Variants in ACOXL observed in about 807,000 individuals in gnomAD.
ACOXL encodes the protein acyl-coenzyme A oxidase-like protein.
A neutral mutation model predicts 71.9 loss-of-function variants in ACOXL; 70 were observed. That is an observed-to-expected ratio of 0.97 (90% CI 0.80 to 1.19). The LOEUF is 1.19. ACOXL is among the 50% of genes most tolerant of loss of function. The pLI is 0.00. For synonymous variants in ACOXL, 253 were observed against 281.6 expected, an observed-to-expected ratio of 0.90 and a Z score of 1.02; for missense variants, 703 against 736.3, an observed-to-expected ratio of 0.95 and a Z score of 0.52.
intron 12 of ACOXL, among the ~76,000 whole-genome samples, chr2:110,958,049 C>CAAAA (rs35899146): frequency 1.0e-5 from 1 of 96,140 alleles, no homozygotes; most frequent in Non-Finnish European, 2.0e-5. Context: ...GACTCCGTCT[C>CAAAA]AAAAAAAAAA....
intron 12 of ACOXL, among the ~76,000 whole-genome samples, chr2:110,938,800 T>G (rs1372859712): frequency 6.6e-6 from 1 of 152,218 alleles, no homozygotes; most frequent in Non-Finnish European, 1.5e-5. Flanking sequence ...CTTGGCCCCC[T>G]TGATCTTTTC....
At chr2:110,891,769 A>G (rs1206246438) in intron 10 of ACOXL, among the ~76,000 whole-genome samples, 1 of 152,086 alleles carries the variant, frequency 6.6e-6, no homozygotes, top group Non-Finnish European at 1.5e-5. Context: ...TAGGCATGAA[A>G]TTGGGTTTTG....
At chr2:111,110,055 CT>C (rs1476395893) in intron 17 of ACOXL, among the ~76,000 whole-genome samples, 2 of 152,164 alleles carry the variant, frequency 1.3e-5, no homozygotes, top group East Asian at 3.8e-4. Flanking sequence ...AACTGGTCAT[CT>C]CTAAGTCGGC....
At chr2:110,939,850 A>G (rs2060802990) in intron 12 of ACOXL, among the ~76,000 whole-genome samples, 1 of 152,212 alleles carries the variant, frequency 6.6e-6, no homozygotes, top group Non-Finnish European at 1.5e-5. Flanking sequence ...GCCCAAGACA[A>G]TTCTTGTTCT....
chr2:110,859,496 AT>A, intron 10 of ACOXL, among the ~76,000 whole-genome samples: 1 of 152,324 alleles, frequency 6.6e-6, no homozygotes, highest in South Asian at 2.1e-4. Context: ...AGGGAGACTT[AT>A]TGGGGCAAGC....
intron 10 of ACOXL, among the ~76,000 whole-genome samples, chr2:110,843,257 C>T (rs1691396366): frequency 6.6e-6 from 1 of 152,154 alleles, no homozygotes. Flanking sequence ...TAGACTCAAG[C>T]AGTGCTTCTG....
At chr2:111,026,791 G>A (rs1435773461) in intron 14 of ACOXL, among the ~76,000 whole-genome samples, 1 of 152,200 alleles carries the variant, frequency 6.6e-6, no homozygotes, top group Non-Finnish European at 1.5e-5. Context: ...TCACAGTGCA[G>A]TGAGAAGAGA....
chr2:110,933,308 A>C (rs1468467384), intron 11 of ACOXL, among the ~76,000 whole-genome samples, 181 bp from the exon 12 acceptor site: 1 of 152,100 alleles, frequency 6.6e-6, no homozygotes, highest in African/African-American at 2.4e-5. Context: ...TTAGGTTTCC[A>C]CTGGTAGCGT....
chr2:110,835,657 T>A (rs1690363827), intron 9 of ACOXL, among the ~76,000 whole-genome samples: 1 of 152,202 alleles, frequency 6.6e-6, no homozygotes, highest in South Asian at 2.1e-4. Context: ...TAAGAGGACA[T>A]AAAATGTGAA....
At chr2:110,741,685 A>T (rs1305116660) in intron 1 of ACOXL, among the ~76,000 whole-genome samples, 2 of 152,224 alleles carry the variant, frequency 1.3e-5, no homozygotes, top group Non-Finnish European at 2.9e-5. Context: ...ATCGAGTAAC[A>T]TCTCAGAGAG....
chr2:111,064,051 A>T (rs1335516969), intron 16 of ACOXL, among the ~76,000 whole-genome samples: 1 of 152,230 alleles, frequency 6.6e-6, no homozygotes, highest in Non-Finnish European at 1.5e-5. Flanking sequence ...TTGTATTTCT[A>T]TATATAGTTG....
At chr2:110,940,465 G>C (rs2060827888) in intron 12 of ACOXL, among the ~76,000 whole-genome samples, 1 of 152,206 alleles carries the variant, frequency 6.6e-6, no homozygotes, top group Non-Finnish European at 1.5e-5. Context: ...TGAGACTTAA[G>C]ATTTGTATTT....
In ACOXL at chr2:110,790,869, A is replaced by G. The variant is rs191401971; in HGVS notation, c.160-2781A>G. The stretch of plus-strand genomic sequence containing the variant: ...GTTCCACTGCAGTCAGTGGGTCTCC[A>G]TCTTCTTGGAAACTCAGGCCACACA... On this transcript the variant is annotated intron_variant, in intron 3 of 17. Transcript: ENST00000439055. 2.0e-3 allele frequency among the ~76,000 whole-genome samples: 310 copies of G among 152,198 alleles called. 2 individuals are homozygous for G. Among genetic ancestry groups the G allele is most frequent in the Non-Finnish European group, 3.4e-3 (228 of 67,988 alleles).
intron 10 of ACOXL, among the ~76,000 whole-genome samples, chr2:110,870,903 C>G (rs10169926): frequency 0.31 from 46,916 of 151,934 alleles, 7,556 homozygotes; most frequent in Non-Finnish European, 0.35. Context: ...TGAATGAGGT[C>G]AAAGTAGTGG....
chr2:110,883,111 T>G (rs76040445), intron 10 of ACOXL, among the ~76,000 whole-genome samples: 1 of 145,552 alleles, frequency 6.9e-6, no homozygotes, highest in Admixed American at 6.8e-5. Context: ...TCACTGGTTT[T>G]TTTTTTTTTT....
chr2:111,050,537 C>A (rs1275203398), intron 16 of ACOXL, among the ~76,000 whole-genome samples: 1 of 152,240 alleles, frequency 6.6e-6, no homozygotes, highest in East Asian at 1.9e-4. Flanking sequence ...TGGATGCTCA[C>A]CTCTTTTCTC....
intron 11 of ACOXL, among the ~76,000 whole-genome samples, chr2:110,917,438 G>A (rs1055781061): frequency 2.0e-5 from 3 of 152,194 alleles, no homozygotes; most frequent in African/African-American, 4.8e-5. Context: ...CAAACCCACA[G>A]CCACTATCAT....
intron 12 of ACOXL, among the ~76,000 whole-genome samples, chr2:110,954,539 C>T (rs1381490261): frequency 2.0e-5 from 3 of 152,240 alleles, no homozygotes; most frequent in East Asian, 3.9e-4. Flanking sequence ...ATTTAACTTA[C>T]GAAGTCTGAA....
chr2:110,787,083 G>A (rs976179190), intron 3 of ACOXL, among the ~76,000 whole-genome samples: 4 of 152,012 alleles, frequency 2.6e-5, no homozygotes, highest in African/African-American at 7.3e-5. Flanking sequence ...GGGTGGCGGG[G>A]GGAGGGAGAT....
Sources: gnomAD v4.1 joint callset for allele counts (sites outside exome capture counted in the v4.1 genomes callset) on GRCh38, gnomAD v4.1.1 for gene constraint, MANE v1.5 for transcripts, NCBI Gene and HGNC (gene_info 2026-07-23, HGNC 2026-07-21) for gene names.